BTD: variants seen among roughly 807,000 people sequenced by gnomAD.
BTD encodes the protein biocytinase.
In BTD, 13 loss-of-function variants were observed where a neutral mutation model predicts 17.7. That is an observed-to-expected ratio of 0.74 (90% CI 0.48 to 1.17). The LOEUF (loss-of-function observed/expected upper bound fraction) is 1.17, where lower values mean the gene tolerates loss of function less well. Among genes scored for constraint, BTD ranks in the 50% most tolerant of loss-of-function variants. The pLI, the probability that BTD is intolerant of heterozygous loss-of-function variation, is 0.00. For synonymous variants in BTD, 240 were observed against 245.2 expected (o/e 0.98, Z 0.20); for missense variants, 674 against 650.4 (o/e 1.04, Z -0.39).
In BTD at chr3:15,602,424, A is replaced by C. The variant is rs180688998; in HGVS notation, c.-17+530A>C. 4.9e-5 allele frequency: 31 copies of C among 630,294 alleles called. No homozygotes were observed. In the East Asian group the frequency reaches 3.5e-3, roughly 72 times the overall value. 39.0% of individuals were successfully genotyped at this position (630,294 alleles called of 1,614,324 possible). ...TTCATAATTCTTAGGTTGGGTCCCT[A>C]CCTACAACCAGCCCTGCACCCGATA... On this transcript the variant is annotated intron_variant, in intron 1 of 3. Coordinates refer to ENST00000643237, the MANE Select transcript of BTD (RefSeq NM_001370658.1).
At chr3:15,689,111 C>T (rs2068487584) in intron 3 of BTD, among the ~76,000 whole-genome samples, 1 of 152,200 alleles carries the variant, frequency 6.6e-6, no homozygotes, top group African/African-American at 2.4e-5. Context: ...CATTTTACCA[C>T]TTAAAGTCAA....
chr3:15,684,655 G>A (rs2067901776), intron 3 of BTD: 2 of 152,738 alleles, frequency 1.3e-5, no homozygotes, highest in African/African-American at 4.8e-5. Flanking sequence ...GGAGTCTGAT[G>A]TGGGAGGATT....
chr3:15,679,418 C>T (rs1345898204), intron 3 of BTD: 3 of 1,612,842 alleles, frequency 1.9e-6, no homozygotes, highest in Non-Finnish European at 2.5e-6. Flanking sequence ...ATTCTCACAG[C>T]AATGGTGTAT....
intron 3 of BTD, among the ~76,000 whole-genome samples, chr3:15,671,024 A>C (rs2066284292): frequency 6.6e-6 from 1 of 152,260 alleles, no homozygotes; most frequent in Non-Finnish European, 1.5e-5. Flanking sequence ...AAATGTGTAC[A>C]GCTTCATGAA....
In BTD at chr3:15,648,931, C is replaced by G. The variant is rs2065753626; in HGVS notation, c.*3443C>G. Reference sequence around the variant, plus strand: ...AGGCACACCAGAAATTGCTTGCCAACAAACACCAGAAATTAGAAGAGGCAA... The same window carrying G: ...AGGCACACCAGAAATTGCTTGCCAAGAAACACCAGAAATTAGAAGAGGCAA... On this transcript the variant is annotated 3_prime_UTR_variant, in exon 4 of 4. Coordinates refer to ENST00000643237, the MANE Select transcript of BTD (RefSeq NM_001370658.1). Among the ~76,000 whole-genome samples the G allele has an allele frequency of 6.6e-6, 1 of 152,196 alleles. No individual in the cohort carries two copies. Among genetic ancestry groups the G allele is most frequent in the Non-Finnish European group, 1.5e-5 (1 of 68,044 alleles).
chr3:15,643,050 T>G (rs61495356), intron 3 of BTD, among the ~76,000 whole-genome samples: 1 of 140,552 alleles, frequency 7.1e-6, no homozygotes, highest in African/African-American at 2.8e-5. Flanking sequence ...AAAAATAAAA[T>G]AAAATAAAGA....
rs565074200 is a variant in BTD at position 15,651,539 on chromosome 3, C to A, written c.*6051C>A. Among the ~76,000 whole-genome samples the A allele has an allele frequency of 1.3e-5, 2 of 152,132 alleles. No individual in the cohort carries two copies. Among genetic ancestry groups the A allele is most frequent in the African/African-American group, 2.4e-5 (1 of 41,426 alleles). On this transcript the variant is annotated 3_prime_UTR_variant, in exon 4 of 4. Transcript: ENST00000643237. ...GAAGCTTATGGAGAGAGCAGGCTGG[C>A]GGGAGCAGGGGCTGTGAGAGAGACA...
At chr3:15,602,009 T>G (rs1251765379) in intron 1 of BTD, 115 bp downstream of exon 1, 7 of 1,524,406 alleles carry the variant, frequency 4.6e-6, no homozygotes, top group East Asian at 2.3e-5. Flanking sequence ...TGCCGGGAGC[T>G]GGGAAGCCCG....
In BTD at chr3:15,650,424, CTTTTT is replaced by C. The variant is rs1444921462; in HGVS notation, c.*4937_*4941del. ...TCCTTCTCATTCTCTTCATCTTTTT[CTTTTT>C]GTTTGAGCAAAAAAAAAAAAGAATA... On this transcript the variant is annotated 3_prime_UTR_variant, in exon 4 of 4. Transcript: ENST00000643237. Among the ~76,000 whole-genome samples, 13 of 100,426 alleles carry C rather than the reference CTTTTT, an allele frequency of 1.3e-4. No homozygotes were observed. Among genetic ancestry groups the C allele is most frequent in the Non-Finnish European group, 2.4e-4 (12 of 50,316 alleles). The allele number at this position is 100,426 out of a possible 152,430, so 65.9% of individuals were successfully genotyped here.
At chr3:15,696,130 T>C in intron 3 of BTD, 2 of 1,552,108 alleles carry the variant, frequency 1.3e-6, no homozygotes, top group African/African-American at 1.3e-5. Flanking sequence ...TTCAGGAATC[T>C]TACCAGCTGA....
chr3:15,721,229 G>T, intron 4 of BTD: 1 of 919,720 alleles, frequency 1.1e-6, no homozygotes, highest in Non-Finnish European at 1.7e-6. Flanking sequence ...TTACTAAAGT[G>T]AGAAACGGAG....
At chr3:15,617,818 C>T (rs2064836266) in intron 1 of BTD, among the ~76,000 whole-genome samples, 1 of 152,160 alleles carries the variant, frequency 6.6e-6, no homozygotes, top group African/African-American at 2.4e-5. Context: ...GTTCTTTGGC[C>T]AATTGATAAA....
At chr3:15,718,940 A>G (rs546175505) in intron 4 of BTD, among the ~76,000 whole-genome samples, 2 of 152,318 alleles carry the variant, frequency 1.3e-5, no homozygotes, top group South Asian at 4.1e-4. Flanking sequence ...AACTGTCTAG[A>G]TATTTTTCTG....
In BTD at chr3:15,645,757, C is replaced by T. The variant is rs1258880801; in HGVS notation, c.*269C>T. ...CCACATCTTCCTCTAACAAATCTCT[C>T]AGTATGCGATTGGTCTCAAGCTAAA... On this transcript the variant is annotated 3_prime_UTR_variant, in exon 4 of 4. Coordinates refer to ENST00000643237, the MANE Select transcript of BTD (RefSeq NM_001370658.1). 4.4e-6 allele frequency: 2 copies of T among 451,150 alleles called. No homozygotes were observed. Among genetic ancestry groups the T allele is most frequent in the South Asian group, 3.2e-5 (1 of 31,504 alleles). 27.9% of individuals were successfully genotyped at this position (451,150 alleles called of 1,614,324 possible).
intron 1 of BTD, among the ~76,000 whole-genome samples, chr3:15,609,901 T>A (rs537726665): frequency 5.4e-4 from 82 of 152,192 alleles, no homozygotes; most frequent in African/African-American, 1.9e-3. Flanking sequence ...TTAATTTTTT[T>A]ATTTTTTTGG....
chr3:15,626,909 T>C (rs1427918381), intron 1 of BTD, among the ~76,000 whole-genome samples: 1 of 152,096 alleles, frequency 6.6e-6, no homozygotes, highest in African/African-American at 2.4e-5. Flanking sequence ...AGAATGCAGC[T>C]ATGGCTGACT....
At chr3:15,719,817 A>G (rs1473138578) in intron 4 of BTD, among the ~76,000 whole-genome samples, 1 of 152,102 alleles carries the variant, frequency 6.6e-6, no homozygotes, top group Non-Finnish European at 1.5e-5. Flanking sequence ...GGCCTCCTAA[A>G]GCACTGGGAT....
chr3:15,646,598 T>C lies in BTD; in HGVS notation c.*1110T>C, dbSNP rs1285186808. On this transcript the variant is annotated 3_prime_UTR_variant, in exon 4 of 4. Transcript: ENST00000643237. ...TTTAGGCCACTGATTTCTGTGTAATTTGTGTCCAATATTTCAAAGCCATTT... is the reference window on the plus strand; with the variant it reads ...TTTAGGCCACTGATTTCTGTGTAATCTGTGTCCAATATTTCAAAGCCATTT... 6.6e-6 allele frequency: 1 copy of C among 152,210 alleles called. No homozygotes were observed. The highest frequency in any genetic ancestry group is 1.5e-5 in the Non-Finnish European group (1 of 68,030). 9.4% of individuals were successfully genotyped at this position (152,210 alleles called of 1,614,324 possible). A position where few individuals can be genotyped will look rare whatever the true frequency, so the allele number is the denominator to read the frequency against.
At chr3:15,620,861 GA>G (rs1253916236) in intron 1 of BTD, among the ~76,000 whole-genome samples, 1 of 152,326 alleles carries the variant, frequency 6.6e-6, no homozygotes, top group East Asian at 1.9e-4. Context: ...TTTATTAGAG[GA>G]ATTGGCTCAC....
Sources: gnomAD v4.1 joint callset for allele counts (sites outside exome capture counted in the v4.1 genomes callset) on GRCh38, gnomAD v4.1.1 for gene constraint, MANE v1.5 for transcripts, NCBI Gene and HGNC (gene_info 2026-07-23, HGNC 2026-07-21) for gene names.